ARIH1: variants seen among roughly 807,000 people sequenced by gnomAD.
The protein encoded by ARIH1 is ariadne RBR E3 ubiquitin protein ligase 1, also known as E3 ubiquitin-protein ligase ARIH1.
ARIH1 carries 8 observed loss-of-function variants against 85.0 expected under a neutral mutation model. The ratio of observed to expected loss-of-function variants is 0.09; its 90% confidence interval spans 0.06 to 0.17. ARIH1 has a LOEUF of 0.17. Among genes scored for constraint, ARIH1 ranks in the 10% least tolerant of loss-of-function variants. ARIH1 has a pLI of 1.00. For missense variants in ARIH1, 311 were observed against 718.1 expected (o/e 0.43, Z 6.48); for synonymous variants, 238 against 253.6 (o/e 0.94, Z 0.59).
chr15:72,534,956 A>ATTTTTTTTTTTTTTTTTTTTT (rs1179478559), intron 2 of ARIH1, among the ~76,000 whole-genome samples: 1 of 45,114 alleles, frequency 2.2e-5, no homozygotes, highest in Non-Finnish European at 1.9e-4. Context: ...TATTGTCTGT[A>ATTTTTTTTTTTTTTTTTTTTT]TTCTTTTTTT....
At chr15:72,574,755 T>TTAAATG (rs2064262396) in intron 11 of ARIH1, among the ~76,000 whole-genome samples, 1 of 151,828 alleles carries the variant, frequency 6.6e-6, no homozygotes, top group Non-Finnish European at 1.5e-5. Context: ...CTTAAATGAG[T>TTAAATG]AGGTATAACT....
chr15:72,555,461 G>T, intron 4 of ARIH1, 98 bp downstream of exon 4: 1 of 809,312 alleles, frequency 1.2e-6, no homozygotes, highest in Non-Finnish European at 2.0e-6. Context: ...GAAGCTTTAT[G>T]TGTCATGATT....
intron 1 of ARIH1, among the ~76,000 whole-genome samples, chr15:72,487,083 T>A (rs7167521): frequency 0.088 from 13,308 of 151,742 alleles, 620 homozygotes; most frequent in African/African-American, 0.12. Context: ...TATTATTATT[T>A]TTTTTTGTAT....
intron 1 of ARIH1, among the ~76,000 whole-genome samples, chr15:72,504,957 A>G (rs1283878242): frequency 1.3e-5 from 2 of 152,230 alleles, no homozygotes; most frequent in African/African-American, 4.8e-5. Flanking sequence ...AAGAAAAACT[A>G]TACCTGAATT....
At chr15:72,554,317 A>G (rs1417850180) in intron 3 of ARIH1, among the ~76,000 whole-genome samples, 4 of 152,124 alleles carry the variant, frequency 2.6e-5, no homozygotes, top group African/African-American at 9.7e-5. Context: ...TTGCTGTACC[A>G]TTTTACATTT....
chr15:72,482,931 CTT>C (rs1373146239), intron 1 of ARIH1, among the ~76,000 whole-genome samples: 1 of 150,882 alleles, frequency 6.6e-6, no homozygotes, highest in Non-Finnish European at 1.5e-5. Context: ...ACCCTCACCT[CTT>C]GAGTCCAAGT....
In ARIH1 at chr15:72,474,849, C is replaced by G. The variant is rs1340194798; in HGVS notation, c.210C>G (p.Gly70=). ...GLLCGETGGG[G]GSALGPGGGG... The stretch of plus-strand genomic sequence containing the variant: ...TGTGCGGGGAGACGGGCGGTGGCGG[C>G]GGCAGCGCTCTGGGGCCCGGCGGTG... Residue 70 remains glycine (G), a synonymous_variant, in exon 1 of 14, where the codon GGC becomes GGG. Coordinates refer to ENST00000379887, the MANE Select transcript of ARIH1 (RefSeq NM_005744.5). The G allele has an allele frequency of 2.0e-5, 28 of 1,374,498 alleles. No homozygotes were observed. The highest frequency in any genetic ancestry group is 2.5e-5 in the Non-Finnish European group (27 of 1,064,904). The allele number at this position is 1,374,498 out of a possible 1,614,324, so 85.1% of individuals were successfully genotyped here. A position where few individuals can be genotyped will look rare whatever the true frequency, so the allele number is the denominator to read the frequency against.
intron 2 of ARIH1, among the ~76,000 whole-genome samples, chr15:72,526,022 A>T (rs1201275848): frequency 2.6e-5 from 4 of 152,160 alleles, no homozygotes; most frequent in Non-Finnish European, 5.9e-5. Context: ...TTGTTAAGAA[A>T]AGGTAAGCAA....
intron 1 of ARIH1, among the ~76,000 whole-genome samples, chr15:72,504,555 C>T (rs2140403301): frequency 6.6e-6 from 1 of 152,202 alleles, no homozygotes; most frequent in Non-Finnish European, 1.5e-5. Context: ...AGCTGCCCCT[C>T]TGAAGTCCAG....
Position 72,583,468 on chromosome 15 carries a change from T to A in ARIH1, c.*176T>A. On this transcript the variant is annotated 3_prime_UTR_variant, in exon 14 of 14. Transcript: ENST00000379887. ...AGTAAATTATATTGTAATAAAAAGG[T>A]AGATAAACCATTGTACAACAGTATT... is the stretch of plus-strand genomic sequence containing the variant. 1.9e-6 allele frequency: 1 copy of A among 525,770 alleles called. No individual in the cohort carries two copies. 32.6% of individuals were successfully genotyped at this position (525,770 alleles called of 1,614,324 possible).
chr15:72,513,724 C>T (rs1595857828), intron 1 of ARIH1, among the ~76,000 whole-genome samples: 1 of 37,962 alleles, frequency 2.6e-5, no homozygotes, highest in Non-Finnish European at 5.0e-5. Flanking sequence ...TCCCCCTGTC[C>T]CTCCTTCCCT....
intron 1 of ARIH1, among the ~76,000 whole-genome samples, chr15:72,489,609 T>G (rs1265013005): frequency 6.6e-6 from 1 of 152,244 alleles, no homozygotes; most frequent in Non-Finnish European, 1.5e-5. Flanking sequence ...ATGGGAGGTA[T>G]GCCTAAAGCA....
rs59727915 is a variant in ARIH1 at position 72,575,551 on chromosome 15, C to CAA, written c.1215+3410_1215+3411dup. On this transcript the variant is annotated intron_variant, in intron 11 of 13. Coordinates refer to ENST00000379887, the MANE Select transcript of ARIH1 (RefSeq NM_005744.5). ...AAGCAACAGAGCAAGACCCTGTCTC[C>CAA]AAAAAAAAAAAAAAAAAAAAAAAAA... 1.4e-3 allele frequency among the ~76,000 whole-genome samples: 82 copies of CAA among 60,552 alleles called. 1 individual carries two copies. The highest frequency in any genetic ancestry group is 4.9e-3 in the African/African-American group (76 of 15,612). 39.7% of individuals were successfully genotyped at this position (60,552 alleles called of 152,430 possible). A position where few individuals can be genotyped will look rare whatever the true frequency, so the allele number is the denominator to read the frequency against.
In ARIH1 at chr15:72,567,057, A is replaced by G. The variant is rs768926449; in HGVS notation, c.955-49A>G. 3.5e-6 allele frequency: 5 copies of G among 1,431,454 alleles called. No homozygotes were observed. The Admixed American group carries it at 7.8e-5, about 22-fold the overall frequency. 88.7% of individuals were successfully genotyped at this position (1,431,454 alleles called of 1,614,324 possible). A position where few individuals can be genotyped will look rare whatever the true frequency, so the allele number is the denominator to read the frequency against. On this transcript the variant is annotated intron_variant, in intron 8 of 13. Coordinates refer to ENST00000379887, the MANE Select transcript of ARIH1 (RefSeq NM_005744.5). ...TAGTTAAGTGCTAAAGTAATTTGCT[A>G]TTTTTAAAAGTCTTTTGTTGTATCC...
At chr15:72,537,578 G>A (rs1484577324) in intron 2 of ARIH1, among the ~76,000 whole-genome samples, 1 of 152,074 alleles carries the variant, frequency 6.6e-6, no homozygotes. Flanking sequence ...AAATGTGACG[G>A]CAGTTCTTAT....
chr15:72,479,991 C>T (rs1304034447), intron 1 of ARIH1, among the ~76,000 whole-genome samples: 3 of 151,932 alleles, frequency 2.0e-5, no homozygotes, highest in Non-Finnish European at 2.9e-5. Context: ...CCTCAGCCTC[C>T]CGAGTAGCTG....
intron 2 of ARIH1, among the ~76,000 whole-genome samples, chr15:72,522,510 ACT>A (rs2064004852): frequency 6.6e-6 from 1 of 152,208 alleles, no homozygotes; most frequent in Middle Eastern, 3.4e-3. Flanking sequence ...ACAGAGTGAG[ACT>A]CTGTCTCGAA....
intron 9 of ARIH1, among the ~76,000 whole-genome samples, chr15:72,567,574 T>C (rs1336308181): frequency 6.6e-6 from 1 of 152,236 alleles, no homozygotes; most frequent in East Asian, 1.9e-4. Context: ...AATTTTTTGT[T>C]TTGAAGTACA....
chr15:72,578,973 C>T (rs1422658485), intron 11 of ARIH1, among the ~76,000 whole-genome samples: 1 of 151,670 alleles, frequency 6.6e-6, no homozygotes, highest in African/African-American at 2.4e-5. Flanking sequence ...TTAGTAGATA[C>T]AGGGTTTCAC....
Sources: gnomAD v4.1 joint callset for allele counts (sites outside exome capture counted in the v4.1 genomes callset) on GRCh38, gnomAD v4.1.1 for gene constraint, MANE v1.5 for transcripts, NCBI Gene and HGNC (gene_info 2026-07-23, HGNC 2026-07-21) for gene names.